The following ZFHX3 variants were observed in gnomAD, a reference collection of about 807,000 sequenced individuals.
ZFHX3 encodes zinc finger homeobox 3.
A neutral mutation model predicts 279.1 loss-of-function variants in ZFHX3; 42 were observed. The ratio of observed to expected loss-of-function variants is 0.15; its 90% CI spans 0.12 to 0.19. The LOEUF (loss-of-function observed/expected upper bound fraction) is 0.19. Ranked by LOEUF, ZFHX3 falls within the 10% of genes least tolerant of loss-of-function variation. The probability of loss-of-function intolerance (pLI) is 1.00; values close to 1 mark genes in which losing one functional copy is unlikely to be tolerated. For missense variants in ZFHX3, 4,981 were observed against 4,754.0 expected (o/e 1.05, Z -1.40); for synonymous variants, 2,293 against 1,957.8 (o/e 1.17, Z -4.52).
intron 5 of ZFHX3, among the ~76,000 whole-genome samples, chr16:73,234,663 C>T (rs779008513): frequency 1.9e-4 from 29 of 152,166 alleles, no homozygotes; most frequent in South Asian, 6.2e-4. Context: ...TGGCACAGAT[C>T]GGCCATGACC....
At chr16:73,749,852 T>A (rs987061) in intron 1 of ZFHX3, among the ~76,000 whole-genome samples, 15,190 of 152,116 alleles carry the variant, frequency 0.1, 1,259 homozygotes, top group African/African-American at 0.23. Flanking sequence ...GGCCCTGAAC[T>A]GTACCCTACG....
chr16:73,353,009 A>C (rs923786679), intron 3 of ZFHX3, among the ~76,000 whole-genome samples: 2 of 152,158 alleles, frequency 1.3e-5, no homozygotes, highest in Non-Finnish European at 2.9e-5. Context: ...GGAGCAGGAC[A>C]CGAAGAGATG....
At chr16:73,672,693 C>T (rs1469465390) in intron 2 of ZFHX3, among the ~76,000 whole-genome samples, 1 of 151,924 alleles carries the variant, frequency 6.6e-6, no homozygotes, top group East Asian at 1.9e-4. Flanking sequence ...CACATAGGAT[C>T]AACACTAAGG....
chr16:72,916,177 C>T (rs1165726610), intron 3 of ZFHX3, among the ~76,000 whole-genome samples: 2 of 152,198 alleles, frequency 1.3e-5, no homozygotes, highest in Non-Finnish European at 2.9e-5. Flanking sequence ...TTCACTTCCC[C>T]CCCCTCCTCC....
At chr16:73,132,737 C>T (rs964446529) in intron 6 of ZFHX3, among the ~76,000 whole-genome samples, 1 of 152,134 alleles carries the variant, frequency 6.6e-6, no homozygotes, top group African/African-American at 2.4e-5. Context: ...CATAATGTAA[C>T]ATGATTCTTC....
chr16:72,955,835 C>T (rs1021543672), intron 2 of ZFHX3, among the ~76,000 whole-genome samples: 9 of 151,566 alleles, frequency 5.9e-5, no homozygotes, highest in East Asian at 1.9e-4. Context: ...CACGTTCCCA[C>T]GTTCTGTCTT....
At chr16:73,493,330 C>CT (rs1006539561) in intron 2 of ZFHX3, among the ~76,000 whole-genome samples, 6 of 152,036 alleles carry the variant, frequency 3.9e-5, no homozygotes, top group Non-Finnish European at 7.4e-5. Flanking sequence ...TCTCATTATT[C>CT]TTTTTTTTCC....
At chr16:72,941,112 C>T (rs1422110699) in intron 3 of ZFHX3, among the ~76,000 whole-genome samples, 1 of 152,208 alleles carries the variant, frequency 6.6e-6, no homozygotes, top group Non-Finnish European at 1.5e-5. Context: ...GGTGACCGAA[C>T]CAGGCCTCCT....
chr16:72,821,609 C>T (rs7186730), intron 5 of ZFHX3, among the ~76,000 whole-genome samples: 2 of 152,198 alleles, frequency 1.3e-5, no homozygotes, highest in African/African-American at 4.8e-5. Context: ...CATCATTCAG[C>T]CCCCCTTGCT....
chr16:73,351,919 G>A (rs1171805008), intron 3 of ZFHX3, among the ~76,000 whole-genome samples: 3 of 152,298 alleles, frequency 2.0e-5, no homozygotes, highest in South Asian at 2.1e-4. Flanking sequence ...CATTACAAAA[G>A]TATCTAAATG....
chr16:72,887,274 G>C (rs72795113), intron 4 of ZFHX3, among the ~76,000 whole-genome samples: 1 of 152,108 alleles, frequency 6.6e-6, no homozygotes, highest in Non-Finnish European at 1.5e-5. Flanking sequence ...AGAGCAGAGC[G>C]TTCAGAGATT....
chr16:73,344,759 G>A (rs1488691416), intron 3 of ZFHX3, among the ~76,000 whole-genome samples: 1 of 152,152 alleles, frequency 6.6e-6, no homozygotes, highest in East Asian at 1.9e-4. Context: ...GAGGAGAAAA[G>A]GCATGAATGG....
chr16:72,793,904 C>T lies in ZFHX3; in HGVS notation c.8778G>A (p.Pro2926=), dbSNP rs757188475. 14 of 1,614,180 alleles carry T rather than the reference C, an allele frequency of 8.7e-6. No individual in the cohort carries two copies. The highest frequency in any genetic ancestry group is 2.2e-5 in the East Asian group (1 of 44,864). The change falls in exon 9 of 10, where the codon CCG becomes CCA. Residue 2926 remains proline, a synonymous_variant. Transcript: ENST00000268489. The surrounding 1 kb of genome is among the most constrained non-coding windows in gnomAD (Gnocchi z 4.3). Reference sequence around the variant, plus strand: ...CTGCAGATCCACTCGCACCAGGACTCGGGGAGCAGGGATCTGCAAGGCTTG... The same window carrying T: ...CTGCAGATCCACTCGCACCAGGACTTGGGGAGCAGGGATCTGCAAGGCTTG... ...ETSSLADPCS[P]SPGASGSAGK...
chr16:73,269,013 C>T (rs2014066336), intron 4 of ZFHX3, among the ~76,000 whole-genome samples: 2 of 152,212 alleles, frequency 1.3e-5, no homozygotes, highest in East Asian at 1.9e-4. Flanking sequence ...ACCTGGGCTG[C>T]CTCCACTTTC....
At chr16:72,920,991 G>T (rs2039569124) in intron 3 of ZFHX3, among the ~76,000 whole-genome samples, 1 of 149,618 alleles carries the variant, frequency 6.7e-6, no homozygotes, top group Non-Finnish European at 1.5e-5. Flanking sequence ...AGGATCACTT[G>T]GGCCCAGGAG....
chr16:73,465,969 C>T (rs62044972), intron 2 of ZFHX3, among the ~76,000 whole-genome samples: 2,203 of 151,120 alleles, frequency 0.015, 21 homozygotes, highest in Middle Eastern at 0.034. Flanking sequence ...CACGGTTTCT[C>T]AAACTGGAAG....
At chr16:73,618,179 C>A (rs1225410766) in intron 2 of ZFHX3, among the ~76,000 whole-genome samples, 2 of 152,160 alleles carry the variant, frequency 1.3e-5, no homozygotes, top group African/African-American at 2.4e-5. Context: ...ACATTCAGGG[C>A]AGTTCCTCAT....
At chr16:73,172,931 G>GTTTTTTTTTTTTTT (rs376709821) in intron 5 of ZFHX3, among the ~76,000 whole-genome samples, 7 of 97,142 alleles carry the variant, frequency 7.2e-5, no homozygotes, top group South Asian at 3.9e-4. Context: ...GCTGCCTGTG[G>GTTTTTTTTTTTTTT]TTTTTTTTTT....
At chr16:73,810,771 T>C (rs1464860961) in intron 1 of ZFHX3, among the ~76,000 whole-genome samples, 4 of 152,186 alleles carry the variant, frequency 2.6e-5, no homozygotes, top group Non-Finnish European at 5.9e-5. Context: ...TGTTACTAAA[T>C]AGCTGTATGG....
Sources: gnomAD v4.1 joint callset for allele counts (sites outside exome capture counted in the v4.1 genomes callset) on GRCh38, gnomAD v4.1.1 for gene constraint, Gnocchi (gnomAD v3.1) non-coding constraint, MANE v1.5 for transcripts, NCBI Gene and HGNC (gene_info 2026-07-23, HGNC 2026-07-21) for gene names.